Variants in GAB2 observed in about 807,000 individuals in gnomAD.
The protein encoded by GAB2 is GRB2-associated-binding protein 2.
A neutral mutation model predicts 65.5 loss-of-function variants in GAB2; 26 were observed. The observed-to-expected ratio is 0.40, with a 90% confidence interval of 0.29 to 0.55. GAB2 has a LOEUF of 0.55. Among genes scored for constraint, GAB2 ranks in the 20% least tolerant of loss-of-function variants. GAB2 has a pLI of 0.53. For missense variants in GAB2, 884 were observed against 875.8 expected (o/e 1.01, Z -0.12); for synonymous variants, 321 against 329.6 (o/e 0.97, Z 0.28).
chr11:78,349,319 T>C (rs967488490), intron 1 of GAB2, among the ~76,000 whole-genome samples: 2 of 151,950 alleles, frequency 1.3e-5, no homozygotes, highest in African/African-American at 2.4e-5. Context: ...AGAAAATGAG[T>C]GGTATTGCAA....
chr11:78,225,211 G>C lies in GAB2; in HGVS notation c.1208-9C>G, dbSNP rs114848345. On this transcript the variant is annotated splice_polypyrimidine_tract_variant and intron_variant, in intron 4 of 9. Coordinates refer to ENST00000361507, the MANE Select transcript of GAB2 (RefSeq NM_080491.3). ...GGTCTCACAGGAAGAAGCTGACAGAGGAAGGAGGATTCATAAGTACTCATG... is the reference window on the plus strand; with the variant it reads ...GGTCTCACAGGAAGAAGCTGACAGACGAAGGAGGATTCATAAGTACTCATG... 1.9e-3 allele frequency: 3,040 copies of C among 1,580,266 alleles called. 47 individuals are homozygous for C. The African/African-American group carries it at 0.037, about 19-fold the overall frequency.
chr11:78,386,033 T>C (rs1856761697), intron 1 of GAB2, among the ~76,000 whole-genome samples: 2 of 152,200 alleles, frequency 1.3e-5, no homozygotes, highest in Non-Finnish European at 2.9e-5. Context: ...CCCCAGTCAG[T>C]GCCTGAGATA....
At chr11:78,241,942 G>A (rs913173096) in intron 3 of GAB2, among the ~76,000 whole-genome samples, 7 of 152,160 alleles carry the variant, frequency 4.6e-5, no homozygotes, top group African/African-American at 1.2e-4. Context: ...TTTAAACTGC[G>A]CTTTAGATCA....
intron 1 of GAB2, among the ~76,000 whole-genome samples, chr11:78,377,803 ACT>A (rs962634479): frequency 2.0e-5 from 3 of 151,826 alleles, no homozygotes; most frequent in Non-Finnish European, 2.9e-5. Context: ...TTTACACTTC[ACT>A]CTCTCTCCTA....
At chr11:78,346,169 C>A (rs1856175929) in intron 1 of GAB2, among the ~76,000 whole-genome samples, 1 of 152,186 alleles carries the variant, frequency 6.6e-6, no homozygotes, top group South Asian at 2.1e-4. Flanking sequence ...GACTACAATT[C>A]TTCACCCTTC....
intron 1 of GAB2, among the ~76,000 whole-genome samples, chr11:78,307,478 C>G (rs1565152573): frequency 6.6e-6 from 1 of 151,724 alleles, no homozygotes; most frequent in Non-Finnish European, 1.5e-5. Flanking sequence ...AAGGACTTGG[C>G]CAGGCATGAT....
At position 78,226,565 on chromosome 11, in the gene GAB2, A is replaced by T. The variant is rs2134467879; in HGVS notation, c.1107T>A (p.Pro369=). The T allele has an allele frequency of 7.1e-7, 1 of 1,410,068 alleles. No individual in the cohort carries two copies. The highest frequency in any genetic ancestry group is 9.4e-7 in the Non-Finnish European group (1 of 1,062,168). The allele number at this position is 1,410,068 out of a possible 1,614,324, so 87.3% of individuals were successfully genotyped here. A position where few individuals can be genotyped will look rare whatever the true frequency, so the allele number is the denominator to read the frequency against. ...SQAETPRWGS[P]QQRPPISENS... ...TTTCACTGATTGGCGGTCTCTGCTGAGGACTGCCCCATCGAGGTGTTTCTG... is the reference window on the plus strand; with the variant it reads ...TTTCACTGATTGGCGGTCTCTGCTGTGGACTGCCCCATCGAGGTGTTTCTG... The change falls in exon 4 of 10, where the codon CCT becomes CCA. Residue 369 remains proline, a synonymous_variant. Coordinates refer to ENST00000361507, the MANE Select transcript of GAB2 (RefSeq NM_080491.3).
At chr11:78,401,025 C>T (rs1856964370) in intron 1 of GAB2, among the ~76,000 whole-genome samples, 1 of 150,072 alleles carries the variant, frequency 6.7e-6, no homozygotes, top group South Asian at 2.1e-4. Context: ...ATTCCATAAT[C>T]ATTCATGGCT....
intron 1 of GAB2, among the ~76,000 whole-genome samples, chr11:78,412,651 G>T (rs908871503): frequency 1.4e-4 from 22 of 152,114 alleles, no homozygotes; most frequent in African/African-American, 3.9e-4. Context: ...AAGGAAAACT[G>T]GATAATGGCT....
chr11:78,256,302 TA>T lies in GAB2; in HGVS notation c.377-5903del, dbSNP rs1865594564. Reference sequence around the variant, plus strand: ...TACGCTAAGTGAAAGAAGCCAATCATAAAAGACCACAGATCTAGAGTTTTGT... The same window carrying T: ...TACGCTAAGTGAAAGAAGCCAATCATAAAGACCACAGATCTAGAGTTTTGT... On this transcript the variant is annotated intron_variant, in intron 2 of 9. Transcript: ENST00000361507. Among the ~76,000 whole-genome samples, 2 of 152,196 alleles carry T rather than the reference TA, an allele frequency of 1.3e-5. 1 individual carries two copies. The highest frequency in any genetic ancestry group is 4.1e-4 in the South Asian group (2 of 4,830).
intron 6 of GAB2, among the ~76,000 whole-genome samples, chr11:78,222,547 AT>A (rs1864482901): frequency 6.7e-6 from 1 of 148,212 alleles, no homozygotes; most frequent in African/African-American, 2.4e-5. Flanking sequence ...TAATATATTA[AT>A]ATTTATAAAA....
At chr11:78,221,652 T>C (rs779670406) in intron 8 of GAB2, 25 bp downstream of exon 8, 1 of 1,486,296 alleles carries the variant, frequency 6.7e-7, no homozygotes, top group East Asian at 2.3e-5. Context: ...AAAGGCGTCA[T>C]TCCAGCGAAG....
At chr11:78,357,739 A>C (rs1465026457) in intron 1 of GAB2, among the ~76,000 whole-genome samples, 1 of 152,234 alleles carries the variant, frequency 6.6e-6, no homozygotes, top group Admixed American at 6.5e-5. Flanking sequence ...TCAAAACCAC[A>C]ATGAGATACC....
At chr11:78,279,486 A>T (rs1377386552) in intron 2 of GAB2, among the ~76,000 whole-genome samples, 1 of 152,176 alleles carries the variant, frequency 6.6e-6, no homozygotes, top group East Asian at 1.9e-4. Context: ...CATAAATTTC[A>T]GCATTTTAAA....
At chr11:78,327,195 TATC>T (rs983226139) in intron 1 of GAB2, among the ~76,000 whole-genome samples, 5 of 152,206 alleles carry the variant, frequency 3.3e-5, no homozygotes, top group African/African-American at 1.2e-4. Context: ...CATGTCATAT[TATC>T]ATCACTTCTG....
intron 2 of GAB2, among the ~76,000 whole-genome samples, chr11:78,268,875 G>A (rs770138781): frequency 2.6e-5 from 4 of 152,082 alleles, no homozygotes; most frequent in Non-Finnish European, 5.9e-5. Flanking sequence ...GTTTGTTCTA[G>A]GACAACACAG....
chr11:78,380,763 C>T (rs76856582), intron 1 of GAB2, among the ~76,000 whole-genome samples: 3,324 of 150,666 alleles, frequency 0.022, 131 homozygotes, highest in African/African-American at 0.077. Flanking sequence ...GCAACTTCTG[C>T]CCCCATTCCC....
chr11:78,304,616 G>A (rs1855313024), intron 1 of GAB2, among the ~76,000 whole-genome samples: 1 of 152,180 alleles, frequency 6.6e-6, no homozygotes, highest in African/African-American at 2.4e-5. Context: ...GTGATGAAGT[G>A]CCAAGTTATT....
At chr11:78,386,632 G>A (rs1205455682) in intron 1 of GAB2, among the ~76,000 whole-genome samples, 1 of 152,150 alleles carries the variant, frequency 6.6e-6, no homozygotes, top group Non-Finnish European at 1.5e-5. Context: ...TCTGCAAGAA[G>A]GCCTGGAGGT....
Sources: gnomAD v4.1 joint callset for allele counts (sites outside exome capture counted in the v4.1 genomes callset) on GRCh38, gnomAD v4.1.1 for gene constraint, MANE v1.5 for transcripts, NCBI Gene and HGNC (gene_info 2026-07-23, HGNC 2026-07-21) for gene names.